Variants in WWOX observed in about 807,000 individuals in gnomAD.
The protein encoded by WWOX is WW domain-containing oxidoreductase.
In WWOX, 69 loss-of-function variants were observed where a neutral mutation model predicts 46.2. The ratio of observed to expected loss-of-function variants is 1.49; its 90% CI spans 1.23 to 1.82. WWOX has a LOEUF of 1.82. Ranked by LOEUF, WWOX falls within the 40% of genes most tolerant of loss-of-function variation. WWOX has a pLI of 0.00. For synonymous variants in WWOX, 359 were observed against 202.6 expected, an observed-to-expected ratio of 1.77 and a Z score of -6.56; for missense variants, 919 against 542.6, an observed-to-expected ratio of 1.69 and a Z score of -6.89.
At chr16:78,725,735 G>A (rs192913317) in intron 8 of WWOX, among the ~76,000 whole-genome samples, 2 of 152,120 alleles carry the variant, frequency 1.3e-5, no homozygotes, top group East Asian at 3.9e-4. Context: ...CAAAATCAAG[G>A]TGTCAGCACA....
intron 8 of WWOX, among the ~76,000 whole-genome samples, chr16:78,529,830 T>TA (rs1449732496): frequency 3.9e-5 from 6 of 152,210 alleles, no homozygotes; most frequent in Non-Finnish European, 8.8e-5. Context: ...CAGCTATACT[T>TA]ACATATAGTT....
chr16:78,359,928 G>C (rs1246823409), intron 5 of WWOX, among the ~76,000 whole-genome samples: 1 of 152,158 alleles, frequency 6.6e-6, no homozygotes, highest in African/African-American at 2.4e-5. Flanking sequence ...TCTGTGGAGG[G>C]AACAACACTC....
chr16:78,625,962 A>G (rs531268213), intron 8 of WWOX, among the ~76,000 whole-genome samples: 2 of 151,166 alleles, frequency 1.3e-5, no homozygotes, highest in East Asian at 2.0e-4. Context: ...AGTTTTTGCC[A>G]TTACTTAAAA....
intron 3 of WWOX, among the ~76,000 whole-genome samples, chr16:78,112,279 A>G (rs2032536746): frequency 6.6e-6 from 1 of 151,920 alleles, no homozygotes; most frequent in African/African-American, 2.4e-5. Context: ...CTTTTTTTTT[A>G]GCTGCTTGTC....
chr16:78,349,695 G>T (rs2081152699), intron 5 of WWOX, among the ~76,000 whole-genome samples: 1 of 119,556 alleles, frequency 8.4e-6, no homozygotes, highest in Admixed American at 8.1e-5. Flanking sequence ...TCAGCCAGGT[G>T]AAATTTGCAA....
At chr16:78,394,575 C>T (rs1007777225) in intron 6 of WWOX, among the ~76,000 whole-genome samples, 4 of 152,088 alleles carry the variant, frequency 2.6e-5, no homozygotes, top group Non-Finnish European at 5.9e-5. Context: ...ACACTCTCTT[C>T]CCAAAAACAT....
At chr16:78,116,588 T>C (rs997217860) in intron 4 of WWOX, among the ~76,000 whole-genome samples, 4 of 152,202 alleles carry the variant, frequency 2.6e-5, no homozygotes, top group Admixed American at 6.5e-5. Context: ...TTGGAGTAAA[T>C]TTTATATAAT....
In WWOX at chr16:78,362,830, G is replaced by T. The variant is rs1385152425; in HGVS notation, c.517-24030G>T. Among the ~76,000 whole-genome samples, 2 of 152,124 alleles carry T rather than the reference G, an allele frequency of 1.3e-5. 1 individual carries two copies. Among genetic ancestry groups the T allele is most frequent in the South Asian group, 4.1e-4 (2 of 4,826 alleles). ...AATCATCTCACAATCTTATGAAGGA[G>T]ATACTAGTATTTTGCTTGCAAAGAT... On this transcript the variant is annotated intron_variant, in intron 5 of 8. Transcript: ENST00000566780.
At chr16:78,636,475 C>A (rs751938568) in intron 8 of WWOX, among the ~76,000 whole-genome samples, 2 of 152,178 alleles carry the variant, frequency 1.3e-5, no homozygotes, top group Non-Finnish European at 2.9e-5. Context: ...TAAACTGATA[C>A]TGACTTAATG....
At chr16:79,136,482 G>A (rs904471922) in intron 8 of WWOX, among the ~76,000 whole-genome samples, 3 of 152,162 alleles carry the variant, frequency 2.0e-5, no homozygotes, top group Admixed American at 1.3e-4. Flanking sequence ...ACCCGCCTCG[G>A]CCTCCCAAAG....
At chr16:78,118,633 G>A (rs1384049826) in intron 4 of WWOX, among the ~76,000 whole-genome samples, 2 of 152,174 alleles carry the variant, frequency 1.3e-5, no homozygotes, top group African/African-American at 4.8e-5. Flanking sequence ...GAGTCGCCCA[G>A]TTGTGGCAGA....
At chr16:78,984,791 C>T (rs1288930085) in intron 8 of WWOX, among the ~76,000 whole-genome samples, 1 of 152,088 alleles carries the variant, frequency 6.6e-6, no homozygotes, top group Admixed American at 6.6e-5. Flanking sequence ...GTCTGTGGAT[C>T]GATACCGGCA....
chr16:78,271,904 C>T lies in WWOX; in HGVS notation c.516+107615C>T, dbSNP rs11649561. On this transcript the variant is annotated intron_variant, in intron 5 of 8. Transcript: ENST00000566780. ...AGTCTGCCACACCTGTATGGCCTTA[C>T]GTTTTCCGGGATAACTTAACAAGCA... is the stretch of plus-strand genomic sequence containing the variant. Among the ~76,000 whole-genome samples, 1,017 of 152,216 alleles carry T rather than the reference C, an allele frequency of 6.7e-3. 14 individuals are homozygous for T. Among genetic ancestry groups the T allele is most frequent in the South Asian group, 0.048 (231 of 4,818 alleles).
At chr16:78,736,035 G>A (rs1450149715) in intron 8 of WWOX, among the ~76,000 whole-genome samples, 1 of 152,180 alleles carries the variant, frequency 6.6e-6, no homozygotes, top group Non-Finnish European at 1.5e-5. Flanking sequence ...GTTGAGTGGT[G>A]CAGACTAGAG....
At chr16:79,179,687 C>G (rs773110191) in intron 8 of WWOX, among the ~76,000 whole-genome samples, 10 of 152,270 alleles carry the variant, frequency 6.6e-5, no homozygotes, top group Admixed American at 1.3e-4. Flanking sequence ...TCTTTCTTTA[C>G]CAGATCCTTC....
chr16:79,098,736 T>A (rs2049129302), intron 8 of WWOX, among the ~76,000 whole-genome samples: 1 of 152,200 alleles, frequency 6.6e-6, no homozygotes, highest in South Asian at 2.1e-4. Flanking sequence ...AGGCAGGTAA[T>A]AACCCAGATA....
chr16:78,432,872 G>T, intron 8 of WWOX, 120 bp downstream of exon 8: 1 of 1,501,746 alleles, frequency 6.7e-7, no homozygotes. Flanking sequence ...ACATTGTCCA[G>T]CCCATCATAA....
Position 78,617,441 on chromosome 16 carries a change from C to A in WWOX, c.1056+184689C>A, listed in dbSNP as rs117395265. Among the ~76,000 whole-genome samples, 813 of 151,208 alleles carry A rather than the reference C, an allele frequency of 5.4e-3. 4 individuals are homozygous for A. Among genetic ancestry groups the A allele is most frequent in the Admixed American group, 0.011 (171 of 15,164 alleles). On this transcript the variant is annotated intron_variant, in intron 8 of 8. Coordinates refer to ENST00000566780, the MANE Select transcript of WWOX (RefSeq NM_016373.4). ...AAAAAGTGACCACACTGTGGCTTTG[C>A]TGCTTTGCCTAAGTATTTCGTGAAA...
At chr16:79,075,144 A>T (rs137946639) in intron 8 of WWOX, among the ~76,000 whole-genome samples, 1 of 152,204 alleles carries the variant, frequency 6.6e-6, no homozygotes, top group Non-Finnish European at 1.5e-5. Flanking sequence ...GAAGATTACA[A>T]CCAACTGAAT....
Sources: allele counts gnomAD v4.1 joint callset (sites outside exome capture counted in the v4.1 genomes callset), GRCh38; gene constraint gnomAD v4.1.1; transcripts MANE v1.5; gene names NCBI Gene and HGNC (gene_info 2026-07-23, HGNC 2026-07-21).